The following FHIP1A variants were observed in gnomAD, a reference collection of about 807,000 sequenced individuals.
FHIP1A encodes the protein FHF complex subunit HOOK interacting protein 1A.
FHIP1A carries 61 observed loss-of-function variants against 88.6 expected under a neutral mutation model. The observed-to-expected ratio is 0.69, with a 90% CI of 0.56 to 0.85. The LOEUF is 0.85. Among genes scored for constraint, FHIP1A ranks in the 40% least tolerant of loss-of-function variants. The probability of loss-of-function intolerance (pLI) is 0.00; values close to 1 mark genes in which losing one functional copy is unlikely to be tolerated. For missense variants in FHIP1A, 1,154 were observed against 1,273.5 expected (o/e 0.91, Z 1.43); for synonymous variants, 478 against 496.0 (o/e 0.96, Z 0.48).
At chr4:151,527,511 G>A (rs1193090689) in intron 3 of FHIP1A, among the ~76,000 whole-genome samples, 3 of 152,074 alleles carry the variant, frequency 2.0e-5, no homozygotes, top group Non-Finnish European at 4.4e-5. Flanking sequence ...GAGGGAGACC[G>A]TTTAAAGAGA....
intron 3 of FHIP1A, among the ~76,000 whole-genome samples, chr4:151,526,808 G>C (rs62329068): frequency 1.3e-5 from 2 of 149,744 alleles, no homozygotes; most frequent in African/African-American, 2.5e-5. Flanking sequence ...CTTCTCAGAC[G>C]GGGCGGTTGC....
intron 3 of FHIP1A, among the ~76,000 whole-genome samples, chr4:151,552,664 G>A (rs1184037013): frequency 9.9e-5 from 15 of 151,972 alleles, no homozygotes; most frequent in Admixed American, 5.2e-4. Context: ...ATCACACCCC[G>A]GGGCCTGTTG....
intron 3 of FHIP1A, among the ~76,000 whole-genome samples, chr4:151,518,181 A>C (rs1731317204): frequency 6.6e-6 from 1 of 152,170 alleles, no homozygotes; most frequent in East Asian, 1.9e-4. Context: ...TTTATTTTTC[A>C]TACTGTGTTT....
chr4:151,618,424 T>C (rs1038610127), intron 7 of FHIP1A, among the ~76,000 whole-genome samples: 5 of 152,198 alleles, frequency 3.3e-5, no homozygotes, highest in Admixed American at 2.6e-4. Context: ...TCTGTGAGCT[T>C]AATATTTGTG....
intron 2 of FHIP1A, among the ~76,000 whole-genome samples, chr4:151,458,664 T>C (rs909464595): frequency 1.3e-5 from 2 of 152,126 alleles, no homozygotes. Context: ...TATTTGGGAA[T>C]ATCTAGAACT....
chr4:151,635,567 C>T (rs1352459309), intron 8 of FHIP1A, among the ~76,000 whole-genome samples: 1 of 151,742 alleles, frequency 6.6e-6, no homozygotes, highest in Non-Finnish European at 1.5e-5. Context: ...AGAAGGAAAT[C>T]TTGTCATATG....
intron 1 of FHIP1A, among the ~76,000 whole-genome samples, chr4:151,416,369 C>A (rs1274169402): frequency 1.3e-5 from 2 of 152,028 alleles, no homozygotes; most frequent in African/African-American, 4.8e-5. Context: ...TGTTTGTGTT[C>A]ATGGAACTTT....
chr4:151,468,054 G>A (rs571870614), intron 2 of FHIP1A, among the ~76,000 whole-genome samples: 7 of 151,290 alleles, frequency 4.6e-5, no homozygotes, highest in Non-Finnish European at 8.8e-5. Flanking sequence ...GGAGGCCGAG[G>A]AGGGCGGATC....
chr4:151,482,510 A>G lies in FHIP1A; in HGVS notation c.-247-14A>G, dbSNP rs1338665882. ...TTGCAGTTTATTAATTATTATTTTT[A>G]TTCCTCTTCATAGATTTTTAAAGTC... On this transcript the variant is annotated splice_polypyrimidine_tract_variant and intron_variant, in intron 2 of 13. Coordinates refer to ENST00000435205, the MANE Select transcript of FHIP1A (RefSeq NM_001109977.3). 2 of 152,012 alleles carry G rather than the reference A, an allele frequency of 1.3e-5. No homozygotes were observed. The highest frequency in any genetic ancestry group is 1.9e-4 in the East Asian group (1 of 5,188). 9.4% of individuals were successfully genotyped at this position (152,012 alleles called of 1,614,324 possible).
chr4:151,411,275 A>C lies in FHIP1A; in HGVS notation c.-356+1810A>C, dbSNP rs143053513. Among the ~76,000 whole-genome samples the C allele has an allele frequency of 9.4e-3, 1,434 of 151,994 alleles. 21 individuals are homozygous for C. The highest frequency in any genetic ancestry group is 0.032 in the African/African-American group (1,314 of 41,440). On this transcript the variant is annotated intron_variant, in intron 1 of 13. Transcript: ENST00000435205. ...CTGCAAACAAGAAGCAGATGTACAA[A>C]TATATTATGTAGAGATATGGAGGTA...
chr4:151,552,711 A>G (rs1030157264), intron 3 of FHIP1A, among the ~76,000 whole-genome samples: 1 of 152,068 alleles, frequency 6.6e-6, no homozygotes, highest in African/African-American at 2.4e-5. Flanking sequence ...GCATTAGGAG[A>G]AATACCTAAT....
intron 3 of FHIP1A, among the ~76,000 whole-genome samples, chr4:151,535,283 T>A (rs1732027121): frequency 6.6e-6 from 1 of 152,128 alleles, no homozygotes; most frequent in African/African-American, 2.4e-5. Context: ...GCAAACTAAA[T>A]ACCCAGCCAC....
At chr4:151,491,500 G>C (rs1390360146) in intron 3 of FHIP1A, among the ~76,000 whole-genome samples, 1 of 151,984 alleles carries the variant, frequency 6.6e-6, no homozygotes, top group Non-Finnish European at 1.5e-5. Context: ...TCTAAATCTT[G>C]ACGCAAAACC....
At chr4:151,511,488 C>T (rs1380478599) in intron 3 of FHIP1A, among the ~76,000 whole-genome samples, 14 of 152,220 alleles carry the variant, frequency 9.2e-5, no homozygotes, top group Non-Finnish European at 1.5e-5. Context: ...AAGGCACTGC[C>T]TCACTCAGGA....
chr4:151,516,526 G>T (rs1196491802), intron 3 of FHIP1A, among the ~76,000 whole-genome samples: 1 of 152,038 alleles, frequency 6.6e-6, no homozygotes, highest in African/African-American at 2.4e-5. Context: ...CCTACAAAAT[G>T]GGATAAAATT....
intron 1 of FHIP1A, among the ~76,000 whole-genome samples, chr4:151,454,222 A>C (rs1237824642): frequency 6.6e-6 from 1 of 152,152 alleles, no homozygotes; most frequent in Non-Finnish European, 1.5e-5. Context: ...TTGATTCTTA[A>C]AGGGTTGTGA....
chr4:151,465,976 C>T (rs963455200), intron 2 of FHIP1A, among the ~76,000 whole-genome samples: 1 of 151,934 alleles, frequency 6.6e-6, no homozygotes, highest in Non-Finnish European at 1.5e-5. Flanking sequence ...CAAGGATGGC[C>T]TCTCTCACCA....
intron 8 of FHIP1A, among the ~76,000 whole-genome samples, chr4:151,632,331 A>G (rs1037411474): frequency 2.0e-5 from 3 of 151,958 alleles, no homozygotes; most frequent in African/African-American, 7.2e-5. Context: ...GTCCCCAAAT[A>G]TATGAAACAA....
At chr4:151,568,593 C>T (rs1015291808) in intron 4 of FHIP1A, among the ~76,000 whole-genome samples, 1 of 152,156 alleles carries the variant, frequency 6.6e-6, no homozygotes, top group East Asian at 1.9e-4. Flanking sequence ...TCGCTGTAGG[C>T]ATCACACGTG....
Sources: allele counts gnomAD v4.1 joint callset (sites outside exome capture counted in the v4.1 genomes callset), GRCh38; gene constraint gnomAD v4.1.1; transcripts MANE v1.5; gene names NCBI Gene and HGNC (gene_info 2026-07-23, HGNC 2026-07-21).